Variants in CHSY1 observed in about 807,000 individuals in gnomAD.
CHSY1 encodes N-acetylgalactosaminyl-proteoglycan 3-beta-glucuronosyltransferase 1.
CHSY1 carries 13 observed loss-of-function variants against 59.8 expected under a neutral mutation model. The observed-to-expected ratio is 0.22, with a 90% CI of 0.14 to 0.35. CHSY1 has a LOEUF of 0.35. Ranked by LOEUF, CHSY1 falls within the 10% of genes least tolerant of loss-of-function variation. The probability of loss-of-function intolerance (pLI) is 1.00; values close to 1 mark genes in which losing one functional copy is unlikely to be tolerated. For synonymous variants in CHSY1, 459 were observed against 401.2 expected (o/e 1.14, Z -1.72); for missense variants, 947 against 1,030.6 (o/e 0.92, Z 1.11).
chr15:101,178,238 G>C lies in CHSY1; in HGVS notation c.1559C>G (p.Pro520Arg). 6.2e-7 allele frequency: 1 copy of C among 1,614,200 alleles called. No individual in the cohort carries two copies. Among genetic ancestry groups the C allele is most frequent in the Non-Finnish European group, 8.5e-7 (1 of 1,180,014 alleles). Residue 520 changes from proline (P) to arginine (R), a missense_variant, in exon 3 of 3, where the codon CCT becomes CGT. This residue lies in a region of CHSY1 where 602 missense variants were observed against 676.9 expected (regional missense o/e 0.89). Coordinates refer to ENST00000254190, the MANE Select transcript of CHSY1 (RefSeq NM_014918.5). ...SLKKLVPFQLPGSKSEHKEPK... is the reference protein window; with the variant it reads ...SLKKLVPFQLRGSKSEHKEPK... ...TTCTTTGTGCTCACTCTTCGACCCA[G>C]GGAGCTGAAAGGGGACGAGCTTCTT...
Position 101,235,486 on chromosome 15 carries a change from C to G in CHSY1, c.412G>C (p.Gly138Arg). The G allele has an allele frequency of 6.2e-7, 1 of 1,614,134 alleles. No homozygotes were observed. Among genetic ancestry groups the G allele is most frequent in the Non-Finnish European group, 8.5e-7 (1 of 1,180,014 alleles). ...SVPIPVVPLRGVDDSYPPQKK... is the reference protein window; with the variant it reads ...SVPIPVVPLRRVDDSYPPQKK... ...TGGGGCGGGTAGGAGTCGTCCACAC[C>G]CCGTAGTGGCACTACTGGAATTGGT... The change falls in exon 2 of 3, where the codon GGT becomes CGT. Residue 138 changes from glycine (G) to arginine (R), a missense_variant. Physicochemically the swap from Gly to Arg is moderately radical, Grantham distance 125. This residue lies in a region of CHSY1 where 232 missense variants were observed against 188.5 expected (regional missense o/e 1.23). Coordinates refer to ENST00000254190, the MANE Select transcript of CHSY1 (RefSeq NM_014918.5).
intron 2 of CHSY1, chr15:101,189,491 G>A: frequency 1.0e-6 from 1 of 985,366 alleles, no homozygotes; most frequent in African/African-American, 1.7e-5. Flanking sequence ...TGCCACACAG[G>A]CCCAGTGCAG....
At chr15:101,236,617 T>C (rs8037024) in intron 1 of CHSY1, among the ~76,000 whole-genome samples, 64,467 of 151,210 alleles carry the variant, frequency 0.43, 15,854 homozygotes, top group African/African-American at 0.69. Flanking sequence ...GTCAGGAGAT[T>C]GAGACCATCC....
chr15:101,182,664 T>G (rs1258143894), intron 2 of CHSY1, among the ~76,000 whole-genome samples: 1 of 151,990 alleles, frequency 6.6e-6, no homozygotes, highest in Non-Finnish European at 1.5e-5. Context: ...CTTATTCCAC[T>G]CCCCACCCCA....
At chr15:101,237,222 TAAAAAAAAAAAAA>T (rs56731913) in intron 1 of CHSY1, among the ~76,000 whole-genome samples, 1 of 57,358 alleles carries the variant, frequency 1.7e-5, no homozygotes, top group Non-Finnish European at 3.5e-5. Flanking sequence ...AGACTCCATC[TAAAAAAAAAAAAA>T]AAAAAAAAAA....
intron 2 of CHSY1, among the ~76,000 whole-genome samples, chr15:101,180,920 A>AG (rs138521875): frequency 0.018 from 2,690 of 152,354 alleles, 38 homozygotes; most frequent in East Asian, 0.097. Context: ...TACAAACGGC[A>AG]GGGCTACAAG....
Position 101,188,342 on chromosome 15 carries a change from G to A in CHSY1, c.817-9362C>T, listed in dbSNP as rs540527511. ...TCATATGCTTCCAGGTAGGCTCCAC[G>A]GGTAACTTACTGTCCCAAGCAGGAC... is the stretch of plus-strand genomic sequence containing the variant. On this transcript the variant is annotated intron_variant, in intron 2 of 2. Coordinates refer to ENST00000254190, the MANE Select transcript of CHSY1 (RefSeq NM_014918.5). 36 of 238,204 alleles carry A rather than the reference G, an allele frequency of 1.5e-4. 1 individual carries two copies. The South Asian group carries it at 1.6e-3, about 10-fold the overall frequency. 14.8% of individuals were successfully genotyped at this position (238,204 alleles called of 1,614,324 possible).
At chr15:101,234,396 C>A (rs8040504) in intron 2 of CHSY1, among the ~76,000 whole-genome samples, 1 of 151,972 alleles carries the variant, frequency 6.6e-6, no homozygotes, top group African/African-American at 2.4e-5. Context: ...AAGAGCCAGG[C>A]CTTTGCAAAA....
At chr15:101,235,905 A>C (rs757187496) in intron 1 of CHSY1, among the ~76,000 whole-genome samples, 1 of 152,150 alleles carries the variant, frequency 6.6e-6, no homozygotes, top group African/African-American at 2.4e-5. Flanking sequence ...CTACCTAAGA[A>C]CTTCTCAACT....
Position 101,178,709 on chromosome 15 carries a change from A to C in CHSY1, c.1088T>G (p.Met363Arg), listed in dbSNP as rs1482393447. The stretch of plus-strand genomic sequence containing the variant: ...CTCTCGCTGGCGGGGCTGAAACCTC[A>C]TGAAGGAGGGAGGGATTCCCAGCTG... ...DLQLGIPPSF[M>R]RFQPRQREEI... Residue 363 changes from methionine (M) to arginine (R), a missense_variant, in exon 3 of 3, where the codon ATG (methionine) becomes AGG (arginine). By Grantham distance (91) the Met-to-Arg change is moderately conservative. Around this residue, in one of 4 missense-constraint regions of CHSY1, gnomAD observed 602 missense variants for 676.9 expected, o/e 0.89. Transcript: ENST00000254190. 8 of 1,614,076 alleles carry C rather than the reference A, an allele frequency of 5.0e-6. No individual in the cohort carries two copies. Among genetic ancestry groups the C allele is most frequent in the Non-Finnish European group, 5.9e-6 (7 of 1,180,028 alleles).
intron 2 of CHSY1, among the ~76,000 whole-genome samples, chr15:101,218,381 G>A (rs1022786017): frequency 6.6e-6 from 1 of 152,172 alleles, no homozygotes; most frequent in Non-Finnish European, 1.5e-5. Flanking sequence ...TGGATCTCCT[G>A]AGGTCAGGAG....
chr15:101,211,885 C>A (rs1407314106), intron 2 of CHSY1, among the ~76,000 whole-genome samples: 3 of 151,166 alleles, frequency 2.0e-5, no homozygotes, highest in Admixed American at 1.3e-4. Context: ...AAAACCCCTG[C>A]CAATCTGGAA....
intron 1 of CHSY1, among the ~76,000 whole-genome samples, chr15:101,240,686 T>G (rs2038992458): frequency 1.3e-5 from 2 of 152,228 alleles, no homozygotes; most frequent in Non-Finnish European, 1.5e-5. Context: ...TGGTTAGGAC[T>G]TAACCCATTT....
At chr15:101,203,629 T>G (rs781494205) in intron 2 of CHSY1, among the ~76,000 whole-genome samples, 1 of 152,070 alleles carries the variant, frequency 6.6e-6, no homozygotes, top group Non-Finnish European at 1.5e-5. Context: ...AAGGCAAAAG[T>G]AGTGATTTTT....
At chr15:101,247,858 A>C (rs2039066814) in intron 1 of CHSY1, among the ~76,000 whole-genome samples, 1 of 152,132 alleles carries the variant, frequency 6.6e-6, no homozygotes, top group Non-Finnish European at 1.5e-5. Context: ...GGACGGGCAT[A>C]TCTCCTTGGA....
chr15:101,178,280 A>C lies in CHSY1; in HGVS notation c.1517T>G (p.Phe506Cys), dbSNP rs1414005768. The change falls in exon 3 of 3, where the codon TTT (phenylalanine) becomes TGT (cysteine). Residue 506 changes from phenylalanine (F) to cysteine (C), a missense_variant. By Grantham distance (205) the Phe-to-Cys change is radical. Transcript: ENST00000254190. ...RINQESGSLS[F>C]LSNSLKKLVP... ...GAGCTTCTTCAGGGAGTTTGAGAGAAAGGACAAGGATCCAGATTCCTGATT... is the reference window on the plus strand; with the variant it reads ...GAGCTTCTTCAGGGAGTTTGAGAGACAGGACAAGGATCCAGATTCCTGATT... 2 of 1,612,196 alleles carry C rather than the reference A, an allele frequency of 1.2e-6. No individual in the cohort carries two copies. Among genetic ancestry groups the C allele is most frequent in the African/African-American group, 2.7e-5 (2 of 75,004 alleles).
chr15:101,215,746 T>C (rs567005739), intron 2 of CHSY1, among the ~76,000 whole-genome samples: 3 of 152,176 alleles, frequency 2.0e-5, no homozygotes, highest in Non-Finnish European at 2.9e-5. Context: ...AATCATCAGA[T>C]ACGAATTCAT....
At chr15:101,217,677 G>A (rs957613538) in intron 2 of CHSY1, among the ~76,000 whole-genome samples, 6 of 152,250 alleles carry the variant, frequency 3.9e-5, no homozygotes, top group South Asian at 2.1e-4. Flanking sequence ...AACAAGTTTA[G>A]CAACAAAATA....
intron 2 of CHSY1, among the ~76,000 whole-genome samples, chr15:101,209,245 C>T (rs943802804): frequency 6.6e-6 from 1 of 152,198 alleles, no homozygotes; most frequent in African/African-American, 2.4e-5. Flanking sequence ...GTAGTATCTG[C>T]ACACTTGAAC....
Sources: allele counts gnomAD v4.1 joint callset (sites outside exome capture counted in the v4.1 genomes callset), GRCh38; gene constraint gnomAD v4.1.1; regional missense constraint gnomAD v4.1.1; transcripts MANE v1.5; gene names NCBI Gene and HGNC (gene_info 2026-07-23, HGNC 2026-07-21).